The following LRIG3 variants were observed in gnomAD, a reference collection of about 807,000 sequenced individuals.
The protein encoded by LRIG3 is leucine rich repeats and immunoglobulin like domains 3, also known as leucine-rich repeats and immunoglobulin-like domains protein 3.
A neutral mutation model predicts 114.5 loss-of-function variants in LRIG3; 76 were observed. That is an observed-to-expected ratio of 0.66 (90% CI 0.55 to 0.80). The LOEUF (loss-of-function observed/expected upper bound fraction) is 0.80. LRIG3 is among the 30% of genes least tolerant of loss of function. The pLI is 0.00. For synonymous variants in LRIG3, 512 were observed against 519.8 expected (o/e 0.98, Z 0.20); for missense variants, 1,239 against 1,382.8 (o/e 0.90, Z 1.65).
At chr12:58,915,410 C>T (rs909656052) in intron 1 of LRIG3, among the ~76,000 whole-genome samples, 1 of 151,826 alleles carries the variant, frequency 6.6e-6, no homozygotes, top group Non-Finnish European at 1.5e-5. Context: ...ATAAGTACAC[C>T]CCTCCTAAAA....
At position 58,920,179 on chromosome 12, in the gene LRIG3, C is replaced by A. The variant is rs1208339491; in HGVS notation, c.57G>T (p.Ala19=). 2.0e-6 allele frequency: 3 copies of A among 1,528,292 alleles called. No individual in the cohort carries two copies. Among genetic ancestry groups the A allele is most frequent in the South Asian group, 1.2e-5 (1 of 82,626 alleles). 94.7% of individuals were successfully genotyped at this position (1,528,292 alleles called of 1,614,324 possible). Residue 19 remains alanine (A), a synonymous_variant, in exon 1 of 19, where the codon GCG becomes GCT. Coordinates refer to ENST00000320743, the MANE Select transcript of LRIG3 (RefSeq NM_153377.5). ...RAAGLGLLLC[A]VLGRAGRSDS... is the part of the protein sequence containing the mutation. ...CTGACCGGCCAGCGCGCCCCAGCAC[C>A]GCGCACAGCAGCAGCCCCAACCCCG... is the stretch of plus-strand genomic sequence containing the variant.
chr12:58,916,292 T>C (rs1320199106), intron 1 of LRIG3, among the ~76,000 whole-genome samples: 2 of 152,190 alleles, frequency 1.3e-5, no homozygotes, highest in Non-Finnish European at 2.9e-5. Context: ...CTTGAAACTT[T>C]GAATATTTCA....
At chr12:58,919,911 C>G in intron 1 of LRIG3, 89 bp downstream of exon 1, 2 of 1,286,912 alleles carry the variant, frequency 1.6e-6, no homozygotes, top group Non-Finnish European at 2.2e-6. Flanking sequence ...AAAAAGGGGA[C>G]TGCACGCCGA....
chr12:58,900,912 A>G (rs1051058882), intron 3 of LRIG3, among the ~76,000 whole-genome samples: 3 of 152,212 alleles, frequency 2.0e-5, no homozygotes, highest in Non-Finnish European at 4.4e-5. Flanking sequence ...CTTTGTCTTT[A>G]TTCACAGACT....
chr12:58,878,005 C>T (rs1555159652), intron 14 of LRIG3, among the ~76,000 whole-genome samples, 153 bp from the exon 15 acceptor site: 1 of 152,156 alleles, frequency 6.6e-6, no homozygotes, highest in Non-Finnish European at 1.5e-5. Context: ...ACATATACAA[C>T]ATTCAGTATT....
rs533977799 is a variant in LRIG3 at position 58,920,230 on chromosome 12, G to C, written c.6C>G (p.Ser2Arg). The C allele has an allele frequency of 2.9e-6, 4 of 1,381,802 alleles. No homozygotes were observed. The African/African-American group carries it at 6.2e-5, about 21-fold the overall frequency. The allele number at this position is 1,381,802 out of a possible 1,614,324, so 85.6% of individuals were successfully genotyped here. MSAPSLRARAAG... is the reference protein window; with the variant it reads MRAPSLRARAAG... Reference sequence around the variant, plus strand: ...CGGCGCGCGCACGGAGGCTCGGCGCGCTCATCGCGGTCCAGCGGCCTAGGT... The same window carrying C: ...CGGCGCGCGCACGGAGGCTCGGCGCCCTCATCGCGGTCCAGCGGCCTAGGT... Residue 2 changes from serine to arginine, a missense_variant, in exon 1 of 19, where the codon AGC (serine) becomes AGG (arginine). Physicochemically the swap from Ser to Arg is moderately radical, Grantham distance 110 (BLOSUM62 -1). Coordinates refer to ENST00000320743, the MANE Select transcript of LRIG3 (RefSeq NM_153377.5).
In LRIG3 at chr12:58,879,192, T is replaced by C. The variant is rs1445698257; in HGVS notation, c.1802-87A>G. 2.8e-6 allele frequency: 4 copies of C among 1,404,300 alleles called. No individual in the cohort carries two copies. In the African/African-American group the frequency reaches 5.7e-5, roughly 20 times the overall value. The allele number at this position is 1,404,300 out of a possible 1,614,324, so 87.0% of individuals were successfully genotyped here. On this transcript the variant is annotated intron_variant, in intron 13 of 18. Coordinates refer to ENST00000320743, the MANE Select transcript of LRIG3 (RefSeq NM_153377.5). ...CCTTTTTATTATTTGTTTGTTTGTTTGATACTTACAGATTGTCCCTGACAT... is the reference window on the plus strand; with the variant it reads ...CCTTTTTATTATTTGTTTGTTTGTTCGATACTTACAGATTGTCCCTGACAT...
chr12:58,896,157 T>C (rs1345502871), intron 3 of LRIG3, among the ~76,000 whole-genome samples: 1 of 152,222 alleles, frequency 6.6e-6, no homozygotes, highest in African/African-American at 2.4e-5. Flanking sequence ...TTCTCACATA[T>C]AAGAACTGTG....
In LRIG3 at chr12:58,880,725, G is replaced by A. The variant is rs768163806; in HGVS notation, c.1657C>T (p.Arg553Trp). Residue 553 changes from arginine (R) to tryptophan (W), a missense_variant, in exon 13 of 19, where the codon CGG (arginine) becomes TGG (tryptophan). By Grantham distance (101) the Arg-to-Trp change is moderately radical. Coordinates refer to ENST00000320743, the MANE Select transcript of LRIG3 (RefSeq NM_153377.5). ...TCCATCACCTCGCCACCTTGGGCCCGGAGGTGTGCATAATTTTCCATTTCA... is the reference window on the plus strand; with the variant it reads ...TCCATCACCTCGCCACCTTGGGCCCAGAGGTGTGCATAATTTTCCATTTCA... ...DAEMENYAHL[R>W]AQGGEVMEYT... 205 of 1,614,082 alleles carry A rather than the reference G, an allele frequency of 1.3e-4. No individual in the cohort carries two copies. The highest frequency in any genetic ancestry group is 6.6e-4 in the Middle Eastern group (4 of 6,084).
intron 5 of LRIG3, among the ~76,000 whole-genome samples, chr12:58,889,180 C>T (rs182445543): frequency 6.6e-6 from 1 of 152,266 alleles, no homozygotes; most frequent in African/African-American, 2.4e-5. Context: ...TAATAAAATA[C>T]TGAAACTAGA....
At chr12:58,913,934 C>A (rs1381489081) in intron 3 of LRIG3, 48 bp downstream of exon 3, 3 of 1,532,470 alleles carry the variant, frequency 2.0e-6, no homozygotes, top group East Asian at 2.2e-5. Context: ...AACTCCCACT[C>A]AAGGTTCCTG....
chr12:58,903,841 G>A (rs11172816), intron 3 of LRIG3, among the ~76,000 whole-genome samples: 8,800 of 151,362 alleles, frequency 0.058, 273 homozygotes, highest in East Asian at 0.11. Flanking sequence ...CCCATTGCTT[G>A]TTTTTCTCAG....
chr12:58,908,662 A>C (rs989042144), intron 3 of LRIG3, among the ~76,000 whole-genome samples: 5 of 152,234 alleles, frequency 3.3e-5, no homozygotes, highest in Admixed American at 1.3e-4. Context: ...GTTGAACACA[A>C]GTTATGTAAA....
Position 58,877,479 on chromosome 12 carries a change from C to G in LRIG3, c.2457G>C (p.Val819=). 1.2e-6 allele frequency: 2 copies of G among 1,614,188 alleles called. No homozygotes were observed. The highest frequency in any genetic ancestry group is 1.7e-6 in the Non-Finnish European group (2 of 1,180,038). Residue 819 remains valine (V), a synonymous_variant, in exon 15 of 19, where the codon GTG becomes GTC. Coordinates refer to ENST00000320743, the MANE Select transcript of LRIG3 (RefSeq NM_153377.5). ...GVVIIAVVCC[V]VGTSLVWVVI... is the part of the protein sequence containing the mutation. ...CCACCCACACGAGTGACGTGCCCACCACACAGCAAACCACGGCTATGATCA... is the reference window on the plus strand; with the variant it reads ...CCACCCACACGAGTGACGTGCCCACGACACAGCAAACCACGGCTATGATCA...
In LRIG3 at chr12:58,890,101, C is replaced by G. The variant is rs201428399; in HGVS notation, c.554G>C (p.Gly185Ala). The G allele has an allele frequency of 6.2e-7, 1 of 1,613,792 alleles. No individual in the cohort carries two copies. Among genetic ancestry groups the G allele is most frequent in the East Asian group, 2.2e-5 (1 of 44,860 alleles). ...NSNRVTSMEPGYFDNLANTLL... is the reference protein window; with the variant it reads ...NSNRVTSMEPAYFDNLANTLL... ...TGTGTTGGCCAAATTGTCAAAATACCCAGGTTCCATTGATGTGACTCGGTT... is the reference window on the plus strand; with the variant it reads ...TGTGTTGGCCAAATTGTCAAAATACGCAGGTTCCATTGATGTGACTCGGTT... Residue 185 changes from glycine (G) to alanine (A), a missense_variant, in exon 5 of 19, where the codon GGG (glycine) becomes GCG (alanine). By Grantham distance (60) the Gly-to-Ala change is moderately conservative (BLOSUM62 0). Coordinates refer to ENST00000320743, the MANE Select transcript of LRIG3 (RefSeq NM_153377.5).
chr12:58,900,401 C>G (rs1871802161), intron 3 of LRIG3, among the ~76,000 whole-genome samples: 1 of 151,430 alleles, frequency 6.6e-6, no homozygotes, highest in Non-Finnish European at 1.5e-5. Context: ...TTCATGTTCT[C>G]TATTTTCTCT....
chr12:58,877,507 A>G lies in LRIG3; in HGVS notation c.2429T>C (p.Val810Ala). The G allele has an allele frequency of 6.2e-7, 1 of 1,614,190 alleles. No individual in the cohort carries two copies. The highest frequency in any genetic ancestry group is 8.5e-7 in the Non-Finnish European group (1 of 1,180,036). The change falls in exon 15 of 19, where the codon GTC becomes GCC. Residue 810 changes from valine to alanine, a missense_variant. Coordinates refer to ENST00000320743, the MANE Select transcript of LRIG3 (RefSeq NM_153377.5). ...ACAGCAAACCACGGCTATGATCACG[A>G]CACCCACAGTGGCCCATCCGTCATC... Reference protein sequence around the residue: ...LDDDGWATVGVVIIAVVCCVV... With the variant: ...LDDDGWATVGAVIIAVVCCVV...
rs765295720 is a variant in LRIG3, at chr12:58,872,670, T to A, written c.3262A>T (p.Arg1088Trp). 8 of 1,614,164 alleles carry A rather than the reference T, an allele frequency of 5.0e-6. No individual in the cohort carries two copies. Among genetic ancestry groups the A allele is most frequent in the Non-Finnish European group, 6.8e-6 (8 of 1,180,002 alleles). ...TGATTTTCTTCCTGAAAATCTGTCC[T>A]TTCTTTCCCATCTTCCTCTGACCCA... ...DSGSEEDGKE[R>W]TDFQEENHIC... Residue 1088 changes from arginine to tryptophan, a missense_variant, in exon 19 of 19, where the codon AGG becomes TGG. Coordinates refer to ENST00000320743, the MANE Select transcript of LRIG3 (RefSeq NM_153377.5).
In LRIG3 at chr12:58,877,622, T is replaced by C. The variant is rs188368436; in HGVS notation, c.2314A>G (p.Thr772Ala). ...AGKYTCEMSN[T>A]LGTERGNVRL... is the part of the protein sequence containing the mutation. ...ACGTTTCCTCTCTCAGTGCCAAGGGTGTTAGACATCTCACATGTGTATTTC... is the reference window on the plus strand; with the variant it reads ...ACGTTTCCTCTCTCAGTGCCAAGGGCGTTAGACATCTCACATGTGTATTTC... Residue 772 changes from threonine to alanine, a missense_variant, in exon 15 of 19, where the codon ACC becomes GCC. Physicochemically the swap from Thr to Ala is moderately conservative, Grantham distance 58. Coordinates refer to ENST00000320743, the MANE Select transcript of LRIG3 (RefSeq NM_153377.5). 367 of 1,614,104 alleles carry C rather than the reference T, an allele frequency of 2.3e-4. 1 individual carries two copies. In the East Asian group the frequency reaches 7.6e-3, roughly 33 times the overall value.
Sources: gnomAD v4.1 joint callset for allele counts (sites outside exome capture counted in the v4.1 genomes callset) on GRCh38, gnomAD v4.1.1 for gene constraint, MANE v1.5 for transcripts, NCBI Gene and HGNC (gene_info 2026-07-23, HGNC 2026-07-21) for gene names.